The following TTLL5 variants were observed in gnomAD, a reference collection of about 807,000 sequenced individuals.
TTLL5 encodes the protein tubulin tyrosine ligase like 5, also known as tubulin polyglutamylase TTLL5.
A neutral mutation model predicts 168.4 loss-of-function variants in TTLL5; 132 were observed. That is an observed-to-expected ratio of 0.78 (90% CI 0.68 to 0.91). The LOEUF (loss-of-function observed/expected upper bound fraction) is 0.91. Among genes scored for constraint, TTLL5 ranks in the 40% least tolerant of loss-of-function variants. The pLI is 0.00. For missense variants in TTLL5, 1,545 were observed against 1,581.5 expected, an observed-to-expected ratio of 0.98 and a Z score of 0.39; for synonymous variants, 546 against 558.6, an observed-to-expected ratio of 0.98 and a Z score of 0.32.
chr14:75,777,120 G>C (rs1891761374), intron 23 of TTLL5, among the ~76,000 whole-genome samples: 1 of 152,190 alleles, frequency 6.6e-6, no homozygotes, highest in South Asian at 2.1e-4. Flanking sequence ...AAGGAGAAAA[G>C]ATTGTATGGG....
intron 28 of TTLL5, among the ~76,000 whole-genome samples, chr14:75,852,064 A>G (rs1180040802): frequency 6.6e-6 from 1 of 152,210 alleles, no homozygotes; most frequent in African/African-American, 2.4e-5. Flanking sequence ...ATTAATTTTT[A>G]TTCTCATTTC....
In TTLL5 at chr14:75,875,540, C is replaced by CA. The variant is rs200542849; in HGVS notation, c.3523-7133dup. Among the ~76,000 whole-genome samples the CA allele has an allele frequency of 9.5e-3, 1,200 of 126,520 alleles. 16 individuals are homozygous for CA. Among genetic ancestry groups the CA allele is most frequent in the African/African-American group, 0.032 (1,077 of 34,074 alleles). The allele number at this position is 126,520 out of a possible 152,430, so 83.0% of individuals were successfully genotyped here. On this transcript the variant is annotated intron_variant, in intron 29 of 31. Coordinates refer to ENST00000298832, the MANE Select transcript of TTLL5 (RefSeq NM_015072.5). ...CTGGCAACAGAGTGAGACTCCATCT[C>CA]AAAAAAAAAAAAGAAAAAAATATAT...
intron 7 of TTLL5, among the ~76,000 whole-genome samples, chr14:75,705,586 A>G (rs1310893149): frequency 1.3e-5 from 2 of 152,166 alleles, no homozygotes; most frequent in East Asian, 1.9e-4. Flanking sequence ...TTTTTAATCT[A>G]TAAAATGTGG....
chr14:75,683,863 T>G (rs773397695), intron 5 of TTLL5: 2 of 404,552 alleles, frequency 4.9e-6, no homozygotes, highest in Non-Finnish European at 9.2e-6. Context: ...AACCTCTGCC[T>G]CCTGAGTTCA....
chr14:75,880,274 T>C (rs887859282), intron 29 of TTLL5, among the ~76,000 whole-genome samples: 4 of 152,200 alleles, frequency 2.6e-5, no homozygotes, highest in African/African-American at 9.6e-5. Flanking sequence ...ATTATTTCAT[T>C]TGTATTTACA....
chr14:75,947,425 G>A (rs1018861744), intron 31 of TTLL5, among the ~76,000 whole-genome samples: 27 of 152,016 alleles, frequency 1.8e-4, no homozygotes, highest in Admixed American at 2.0e-4. Context: ...TATGGCTAAA[G>A]GTTCACCAAG....
In TTLL5 at chr14:75,722,796, A is replaced by G. The variant is rs545636205; in HGVS notation, c.1042+2093A>G. The stretch of plus-strand genomic sequence containing the variant: ...TTCCCCAAATACTGGGCTTACAGGC[A>G]TGAGCTACCATGTAAGCCCTCGCTT... On this transcript the variant is annotated intron_variant, in intron 12 of 31. Coordinates refer to ENST00000298832, the MANE Select transcript of TTLL5 (RefSeq NM_015072.5). 1.6e-4 allele frequency among the ~76,000 whole-genome samples: 24 copies of G among 152,290 alleles called. No individual in the cohort carries two copies. The East Asian group carries it at 4.6e-3, about 29-fold the overall frequency.
intron 30 of TTLL5, among the ~76,000 whole-genome samples, chr14:75,887,803 C>T (rs2032194028): frequency 6.6e-6 from 1 of 152,188 alleles, no homozygotes; most frequent in Non-Finnish European, 1.5e-5. Context: ...CTTAGGAACT[C>T]ACTCCTCTCT....
intron 31 of TTLL5, among the ~76,000 whole-genome samples, chr14:75,916,955 C>A (rs554624422): frequency 7.9e-5 from 12 of 152,180 alleles, no homozygotes; most frequent in Non-Finnish European, 1.8e-4. Flanking sequence ...CTATATGATT[C>A]CACTTATACA....
chr14:75,923,166 A>C (rs540604272), intron 31 of TTLL5, among the ~76,000 whole-genome samples: 278 of 152,138 alleles, frequency 1.8e-3, no homozygotes, highest in African/African-American at 6.0e-3. Flanking sequence ...CAGCTCCTGG[A>C]TTCATTGGGT....
intron 17 of TTLL5, 81 bp downstream of exon 17, chr14:75,745,662 TC>T (rs1305860974): frequency 2.6e-5 from 28 of 1,083,826 alleles, no homozygotes; most frequent in African/African-American, 1.1e-4. Context: ...TCATCACTGC[TC>T]CCCCCGATGA....
chr14:75,686,895 C>T (rs1011606219), intron 5 of TTLL5, among the ~76,000 whole-genome samples: 2 of 152,050 alleles, frequency 1.3e-5, no homozygotes, highest in African/African-American at 4.8e-5. Context: ...TAAAGTAAAA[C>T]ACACAGGGGT....
chr14:75,791,503 T>C (rs902026981), intron 26 of TTLL5, among the ~76,000 whole-genome samples: 6 of 152,194 alleles, frequency 3.9e-5, no homozygotes, highest in African/African-American at 1.4e-4. Context: ...TTATCTGGTA[T>C]TTTGTTTGTA....
chr14:75,861,260 C>T (rs767265384), intron 28 of TTLL5, among the ~76,000 whole-genome samples: 1 of 151,984 alleles, frequency 6.6e-6, no homozygotes, highest in Non-Finnish European at 1.5e-5. Flanking sequence ...GATAGAAAGC[C>T]GAAAGAATAC....
intron 18 of TTLL5, among the ~76,000 whole-genome samples, chr14:75,759,619 T>C (rs1452661673): frequency 6.6e-6 from 1 of 152,052 alleles, no homozygotes; most frequent in African/African-American, 2.4e-5. Flanking sequence ...TTCATGAACA[T>C]AGACACAAAA....
intron 28 of TTLL5, among the ~76,000 whole-genome samples, chr14:75,845,402 GC>G (rs962053989): frequency 1.3e-5 from 2 of 152,010 alleles, no homozygotes; most frequent in African/African-American, 4.8e-5. Flanking sequence ...CTTCTTCTTT[GC>G]ACTTTTTAGT....
intron 5 of TTLL5, among the ~76,000 whole-genome samples, chr14:75,687,017 A>G (rs576363046): frequency 6.6e-6 from 1 of 152,318 alleles, no homozygotes; most frequent in East Asian, 1.9e-4. Context: ...AATTTTGGGT[A>G]TATTTATCAA....
At chr14:75,674,274 A>G (rs1883975706) in intron 3 of TTLL5, among the ~76,000 whole-genome samples, 1 of 152,174 alleles carries the variant, frequency 6.6e-6, no homozygotes, top group Non-Finnish European at 1.5e-5. Context: ...TGAAAAGAAC[A>G]ATTTGAATGA....
In TTLL5 at chr14:75,783,331, TC is replaced by T; in HGVS notation, c.2788del (p.His930ThrfsTer7). 1 of 1,614,156 alleles carries T rather than the reference TC, an allele frequency of 6.2e-7. No homozygotes were observed. The highest frequency in any genetic ancestry group is 8.5e-7 in the Non-Finnish European group (1 of 1,180,030). On this transcript the variant is annotated frameshift_variant, in exon 26 of 32. Coordinates refer to ENST00000298832, the MANE Select transcript of TTLL5 (RefSeq NM_015072.5). LOFTEE classifies it high-confidence loss of function. The stretch of plus-strand genomic sequence containing the variant: ...TTCCTTCAGCTATCCCCAGCATGCC[TC>T]ACCAGCCAACAATTTTACTGAACAC... ...QIPSAIPSMP[H>X]QPTILLNTVS...
Sources: allele counts gnomAD v4.1 joint callset (sites outside exome capture counted in the v4.1 genomes callset), GRCh38; gene constraint gnomAD v4.1.1; transcripts MANE v1.5; gene names NCBI Gene and HGNC (gene_info 2026-07-23, HGNC 2026-07-21).